CHD5: variants seen among roughly 807,000 people sequenced by gnomAD.
The protein encoded by CHD5 is chromodomain helicase DNA binding protein 5.
In CHD5, 69 loss-of-function variants were observed where a neutral mutation model predicts 230.3. The observed-to-expected ratio is 0.30, with a 90% confidence interval of 0.25 to 0.37. The LOEUF (loss-of-function observed/expected upper bound fraction) is 0.37. CHD5 is among the 10% of genes least tolerant of loss of function. The probability of loss-of-function intolerance (pLI) is 1.00; values close to 1 mark genes in which losing one functional copy is unlikely to be tolerated. For missense variants in CHD5, 1,827 were observed against 2,622.8 expected, an observed-to-expected ratio of 0.70 and a Z score of 6.63; for synonymous variants, 1,064 against 1,065.9, an observed-to-expected ratio of 1.00 and a Z score of 0.03.
chr1:6,134,971 A>C lies in CHD5; in HGVS notation c.2871-112T>G. ...TGGCCAAGCACCCATTTACAGAGAG[A>C]CCCAAGGGACCCCCAAGAGGTGAAG... is the stretch of plus-strand genomic sequence containing the variant. On this transcript the variant is annotated intron_variant, in intron 18 of 41. Transcript: ENST00000262450. The surrounding 1 kb of genome is among the most constrained non-coding windows in gnomAD (Gnocchi z 6.3). 3 of 1,351,176 alleles carry C rather than the reference A, an allele frequency of 2.2e-6. No individual in the cohort carries two copies. In the South Asian group the frequency reaches 3.9e-5, roughly 18 times the overall value. 83.7% of individuals were successfully genotyped at this position (1,351,176 alleles called of 1,614,324 possible). A position where few individuals can be genotyped will look rare whatever the true frequency, so the allele number is the denominator to read the frequency against.
In CHD5 at chr1:6,128,920, G is replaced by A. The variant is rs1429934847; in HGVS notation, c.3537C>T (p.Ser1179=). ...THLVVRPGLG[S]KSGSMTKQEL... is the part of the protein sequence containing the mutation. ...CCTGCTTGGTCATGGACCCCGACTT[G>A]GAGCCGAGGCCGGGCCGCACCACCA... The change falls in exon 23 of 42, where the codon TCC becomes TCT. Residue 1179 remains serine (S), a synonymous_variant. Coordinates refer to ENST00000262450, the MANE Select transcript of CHD5 (RefSeq NM_015557.3). This position sits in a 1 kb window ranked among gnomAD's most constrained non-coding sequence, Gnocchi z 7.8. 2 of 1,613,286 alleles carry A rather than the reference G, an allele frequency of 1.2e-6. No individual in the cohort carries two copies. The highest frequency in any genetic ancestry group is 1.7e-5 in the Admixed American group (1 of 60,000).
Position 6,125,507 on chromosome 1 carries a change from G to A in CHD5, c.4260+17C>T, listed in dbSNP as rs773685254. On this transcript the variant is annotated intron_variant, in intron 28 of 41. Coordinates refer to ENST00000262450, the MANE Select transcript of CHD5 (RefSeq NM_015557.3). The surrounding 1 kb of genome is among the most constrained non-coding windows in gnomAD (Gnocchi z 6.7). ...GAAGCAGGGGCAGAAAGAGATGCGG[G>A]AACAGACAGGCCCCACCTCGATGTT... 2 of 1,562,986 alleles carry A rather than the reference G, an allele frequency of 1.3e-6. No homozygotes were observed. The highest frequency in any genetic ancestry group is 2.4e-5 in the East Asian group (1 of 41,786).
chr1:6,159,233 AC>A, intron 3 of CHD5, 102 bp downstream of exon 3: 1 of 1,034,436 alleles, frequency 9.7e-7, no homozygotes, highest in Non-Finnish European at 1.3e-6. Flanking sequence ...TCCATCACAC[AC>A]ACACACACAC....
chr1:6,113,735 A>C (rs991733821), intron 33 of CHD5, among the ~76,000 whole-genome samples: 8 of 152,214 alleles, frequency 5.3e-5, no homozygotes, highest in African/African-American at 1.9e-4. Context: ...GCCTGTCTCC[A>C]CCACAGGATC....
At chr1:6,178,098 A>T (rs1479323921) in intron 1 of CHD5, among the ~76,000 whole-genome samples, 1 of 152,140 alleles carries the variant, frequency 6.6e-6, no homozygotes, top group Non-Finnish European at 1.5e-5. Flanking sequence ...TTGCTGATGG[A>T]TGGGGACAGA....
At chr1:6,175,699 TGGATGGATGGAC>T (rs987834208) in intron 1 of CHD5, among the ~76,000 whole-genome samples, 1 of 149,976 alleles carries the variant, frequency 6.7e-6, no homozygotes, top group African/African-American at 2.5e-5. Flanking sequence ...GATGGATGGA[TGGATGGATGGAC>T]GGACGGACGG....
chr1:6,177,802 C>T (rs1391169548), intron 1 of CHD5, among the ~76,000 whole-genome samples: 2 of 152,160 alleles, frequency 1.3e-5, no homozygotes, highest in African/African-American at 2.4e-5. Flanking sequence ...CAGGATGGAG[C>T]GTGGAGCGTG....
intron 38 of CHD5, among the ~76,000 whole-genome samples, chr1:6,108,799 G>A (rs901091887): frequency 1.3e-5 from 2 of 149,796 alleles, no homozygotes; most frequent in Non-Finnish European, 3.0e-5. Context: ...AAGGATGGAG[G>A]TGTGGAAGGA....
rs937987945 is a variant in CHD5 at position 6,130,178 on chromosome 1, G to T, written c.3387+26C>A. 1 of 1,612,782 alleles carries T rather than the reference G, an allele frequency of 6.2e-7. No individual in the cohort carries two copies. The highest frequency in any genetic ancestry group is 8.5e-7 in the Non-Finnish European group (1 of 1,179,106). ...GCCCGGGATGAGAGGCCCCCTGGGAGGGTGGTGGGCGGCAGCAGCACAGAC... is the reference window on the plus strand; with the variant it reads ...GCCCGGGATGAGAGGCCCCCTGGGATGGTGGTGGGCGGCAGCAGCACAGAC... On this transcript the variant is annotated intron_variant, in intron 22 of 41. Transcript: ENST00000262450. The surrounding 1 kb of genome is among the most constrained non-coding windows in gnomAD (Gnocchi z 4.9).
At chr1:6,135,449 C>T in intron 17 of CHD5, 46 bp from the exon 18 acceptor site, 1 of 1,543,390 alleles carries the variant, frequency 6.5e-7, no homozygotes, top group Non-Finnish European at 8.8e-7. Context: ...AGGACCGGGG[C>T]AGGGGAGGCA....
chr1:6,174,949 GTGGATGGATGGATGGTGGATGA>G (rs1443182165), intron 1 of CHD5, among the ~76,000 whole-genome samples: 3 of 146,308 alleles, frequency 2.1e-5, no homozygotes, highest in Non-Finnish European at 4.5e-5. Context: ...TGGTGGGTGG[GTGGATGGATGGATGGTGGATGA>G]AGGATGGATG....
intron 5 of CHD5, among the ~76,000 whole-genome samples, chr1:6,153,013 C>A (rs1257041548): frequency 1.3e-5 from 2 of 152,236 alleles, no homozygotes; most frequent in African/African-American, 4.8e-5. Context: ...GCCAGTCAAC[C>A]CCAGCAAGGG....
At chr1:6,165,275 C>T (rs1308207453) in intron 2 of CHD5, among the ~76,000 whole-genome samples, 1 of 152,142 alleles carries the variant, frequency 6.6e-6, no homozygotes, top group East Asian at 1.9e-4. Context: ...GTACCCTGAG[C>T]CCAGGAGACG....
At chr1:6,115,849 G>A (rs1666371098) in intron 33 of CHD5, among the ~76,000 whole-genome samples, 1 of 152,218 alleles carries the variant, frequency 6.6e-6, no homozygotes, top group African/African-American at 2.4e-5. Context: ...CATGGTGAGT[G>A]CTGTTTTAAG....
chr1:6,158,553 T>C (rs1342824592), intron 3 of CHD5, among the ~76,000 whole-genome samples: 3 of 152,236 alleles, frequency 2.0e-5, no homozygotes, highest in African/African-American at 7.2e-5. Flanking sequence ...TGCGTGCCTG[T>C]AGTACCAGCT....
chr1:6,117,452 C>T (rs1666395601), intron 33 of CHD5, among the ~76,000 whole-genome samples: 1 of 152,100 alleles, frequency 6.6e-6, no homozygotes, highest in Non-Finnish European at 1.5e-5. Flanking sequence ...TGGTACACGC[C>T]TGTGATCCTA....
chr1:6,134,310 G>C lies in CHD5; in HGVS notation c.3013-51C>G. ...ATTGGTGGGCTCCCCTCTCCTCTCT[G>C]ACTCTGCACCAAAGGGGCCGCAGGG... On this transcript the variant is annotated intron_variant, in intron 19 of 41. Transcript: ENST00000262450. This position sits in a 1 kb window ranked among gnomAD's most constrained non-coding sequence, Gnocchi z 6.3. The C allele has an allele frequency of 6.3e-7, 1 of 1,598,664 alleles. No homozygotes were observed. The highest frequency in any genetic ancestry group is 1.1e-5 in the South Asian group (1 of 90,768).
chr1:6,112,083 T>G, intron 35 of CHD5, 57 bp downstream of exon 35: 1 of 1,587,834 alleles, frequency 6.3e-7, no homozygotes, highest in Non-Finnish European at 8.6e-7. Flanking sequence ...TGGTCTAGAC[T>G]CCTGGGACCC....
chr1:6,129,112 TC>T lies in CHD5; in HGVS notation c.3388-44del. 1 of 1,401,606 alleles carries T rather than the reference TC, an allele frequency of 7.1e-7. No homozygotes were observed. The highest frequency in any genetic ancestry group is 1.0e-6 in the Non-Finnish European group (1 of 1,004,662). 86.8% of individuals were successfully genotyped at this position (1,401,606 alleles called of 1,614,324 possible). A position where few individuals can be genotyped will look rare whatever the true frequency, so the allele number is the denominator to read the frequency against. ...TCAGCACCCGTGGCTCACCCAGGGC[TC>T]CAGGCAATGGAGGAGATCACACCCA... On this transcript the variant is annotated intron_variant, in intron 22 of 41. Transcript: ENST00000262450. This position sits in a 1 kb window ranked among gnomAD's most constrained non-coding sequence, Gnocchi z 6.8.
Sources: gnomAD v4.1 joint callset for allele counts (sites outside exome capture counted in the v4.1 genomes callset) on GRCh38, gnomAD v4.1.1 for gene constraint, Gnocchi (gnomAD v3.1) non-coding constraint, MANE v1.5 for transcripts, NCBI Gene and HGNC (gene_info 2026-07-23, HGNC 2026-07-21) for gene names.